DISC1: variants seen among roughly 807,000 people sequenced by gnomAD.
DISC1 encodes the protein DISC1 scaffold protein.
DISC1 carries 57 observed loss-of-function variants against 84.5 expected under a neutral mutation model. That is an observed-to-expected ratio of 0.67 (90% CI 0.55 to 0.84). DISC1 has a LOEUF of 0.84. DISC1 is among the 40% of genes least tolerant of loss of function. The pLI, the probability that DISC1 is intolerant of heterozygous loss-of-function variation, is 0.00. For missense variants in DISC1, 1,000 were observed against 1,057.8 expected (o/e 0.95, Z 0.76); for synonymous variants, 411 against 415.2 (o/e 0.99, Z 0.12).
chr1:231,799,275 G>C (rs2078998887), intron 7 of DISC1, among the ~76,000 whole-genome samples: 1 of 152,136 alleles, frequency 6.6e-6, no homozygotes, highest in African/African-American at 2.4e-5. Flanking sequence ...TTGCCAGCAA[G>C]TATCTATCTG....
Position 231,626,839 on chromosome 1 carries a change from C to T in DISC1, c.-29C>T. The T allele has an allele frequency of 7.0e-7, 1 of 1,425,852 alleles. No individual in the cohort carries two copies. Among genetic ancestry groups the T allele is most frequent in the Non-Finnish European group, 9.1e-7 (1 of 1,100,098 alleles). The allele number at this position is 1,425,852 out of a possible 1,614,324, so 88.3% of individuals were successfully genotyped here. The stretch of plus-strand genomic sequence containing the variant: ...GGGAAGGAGCAGGAGGCAGCCCAGG[C>T]GGAGCGGGAGGAGCTGGCAGCGGGG... On this transcript the variant is annotated 5_prime_UTR_variant, in exon 1 of 13. Transcript: ENST00000439617.
chr1:231,893,977 C>T (rs1234413857), intron 9 of DISC1, among the ~76,000 whole-genome samples: 1 of 152,124 alleles, frequency 6.6e-6, no homozygotes, highest in African/African-American at 2.4e-5. Flanking sequence ...AGCAGTTTAC[C>T]ACATACCACA....
intron 12 of DISC1, among the ~76,000 whole-genome samples, chr1:232,033,245 C>G (rs1198908938): frequency 6.6e-6 from 1 of 152,164 alleles, no homozygotes; most frequent in African/African-American, 2.4e-5. Flanking sequence ...AATGCCTTTT[C>G]CATTTTCCAT....
chr1:231,754,159 G>A (rs964693675), intron 4 of DISC1, among the ~76,000 whole-genome samples: 3 of 152,048 alleles, frequency 2.0e-5, no homozygotes, highest in East Asian at 3.9e-4. Context: ...CGATTCCAAA[G>A]CCAGTTCCAC....
At chr1:231,887,566 T>G (rs886286022) in intron 9 of DISC1, among the ~76,000 whole-genome samples, 2 of 152,216 alleles carry the variant, frequency 1.3e-5, no homozygotes, top group African/African-American at 4.8e-5. Flanking sequence ...CACACTTTTC[T>G]CCCAAACTTG....
rs2072406757 is a variant in DISC1, at chr1:231,735,798, A to G, written c.1118-14128A>G. Among the ~76,000 whole-genome samples the G allele has an allele frequency of 2.6e-5, 4 of 152,228 alleles. No individual in the cohort carries two copies. In the South Asian group the frequency reaches 6.2e-4, roughly 24 times the overall value. On this transcript the variant is annotated intron_variant, in intron 3 of 12. Transcript: ENST00000439617. ...TATCTTATTCCTCATCCAAACTGTA[A>G]CACTCATTCATTTATTTTAGTTTGA...
At chr1:231,926,325 G>A (rs28432143) in intron 9 of DISC1, among the ~76,000 whole-genome samples, 37,665 of 151,996 alleles carry the variant, frequency 0.25, 5,024 homozygotes, top group African/African-American at 0.34. Context: ...GTGGGTTTAC[G>A]TAAAAAAAAC....
intron 10 of DISC1, among the ~76,000 whole-genome samples, chr1:231,985,651 G>T (rs1435613509): frequency 6.6e-6 from 1 of 152,140 alleles, no homozygotes; most frequent in Non-Finnish European, 1.5e-5. Flanking sequence ...GAGATGTTCA[G>T]TTTTGCACAT....
At chr1:231,720,701 C>A in intron 3 of DISC1, 1 of 537,470 alleles carries the variant, frequency 1.9e-6, no homozygotes, top group Non-Finnish European at 3.0e-6. Flanking sequence ...TTTTAGTTTT[C>A]TACCACTGGG....
chr1:231,861,975 C>T (rs1005691220), intron 9 of DISC1, among the ~76,000 whole-genome samples: 3 of 152,114 alleles, frequency 2.0e-5, no homozygotes, highest in East Asian at 1.9e-4. Flanking sequence ...CAACGTCTGG[C>T]CATTTCCATA....
At chr1:232,025,506 A>G (rs1401543915) in intron 11 of DISC1, among the ~76,000 whole-genome samples, 1 of 152,186 alleles carries the variant, frequency 6.6e-6, no homozygotes, top group Non-Finnish European at 1.5e-5. Context: ...TTGTTCATTC[A>G]TCAAATCGAT....
chr1:231,892,580 T>C (rs1311605968), intron 9 of DISC1, among the ~76,000 whole-genome samples: 1 of 151,904 alleles, frequency 6.6e-6, no homozygotes, highest in East Asian at 1.9e-4. Context: ...ATGATACTAA[T>C]TGGAAACAAA....
At chr1:231,902,178 C>T (rs1025557234) in intron 9 of DISC1, among the ~76,000 whole-genome samples, 1 of 152,062 alleles carries the variant, frequency 6.6e-6, no homozygotes, top group African/African-American at 2.4e-5. Context: ...AACGTATGGG[C>T]ACCACAGAGG....
rs755441561 is a variant in DISC1 at position 231,699,028 on chromosome 1, G to GT, written c.1048-2921dup. Among the ~76,000 whole-genome samples the GT allele has an allele frequency of 5.9e-5, 9 of 152,306 alleles. No homozygotes were observed. In the South Asian group the frequency reaches 1.7e-3, roughly 28 times the overall value. ...TAGAGGCTCAACACAACAAAATTGT[G>GT]TTTTTTGCGTATGCTTCATGTTCCA... On this transcript the variant is annotated intron_variant, in intron 2 of 12. Transcript: ENST00000439617.
intron 10 of DISC1, among the ~76,000 whole-genome samples, chr1:231,989,900 C>T (rs907890414): frequency 3.3e-5 from 5 of 152,188 alleles, no homozygotes; most frequent in African/African-American, 7.2e-5. Flanking sequence ...CGACTGCAAG[C>T]GGTGGAGCTG....
At chr1:231,966,008 A>C (rs75194247) in intron 10 of DISC1, among the ~76,000 whole-genome samples, 1 of 152,216 alleles carries the variant, frequency 6.6e-6, no homozygotes, top group Admixed American at 6.5e-5. Context: ...TCCATGCCTT[A>C]CTTTCCTTGT....
chr1:231,893,339 A>G (rs1224276788), intron 9 of DISC1, among the ~76,000 whole-genome samples: 1 of 152,232 alleles, frequency 6.6e-6, no homozygotes, highest in Non-Finnish European at 1.5e-5. Context: ...GATAGTCTAG[A>G]AAGCTTTAAA....
At chr1:231,790,062 G>A (rs2078211045) in intron 6 of DISC1, among the ~76,000 whole-genome samples, 1 of 152,062 alleles carries the variant, frequency 6.6e-6, no homozygotes, top group Non-Finnish European at 1.5e-5. Flanking sequence ...GACAAGAATG[G>A]TAATGTTCTA....
chr1:231,655,352 G>A (rs2060969894), intron 1 of DISC1, among the ~76,000 whole-genome samples: 1 of 152,080 alleles, frequency 6.6e-6, no homozygotes, highest in Non-Finnish European at 1.5e-5. Context: ...TACAGTGTTT[G>A]GTTTTCCACT....
Sources: allele counts gnomAD v4.1 joint callset (sites outside exome capture counted in the v4.1 genomes callset), GRCh38; gene constraint gnomAD v4.1.1; transcripts MANE v1.5; gene names NCBI Gene and HGNC (gene_info 2026-07-23, HGNC 2026-07-21).